The following PLGRKT variants were observed in gnomAD, a reference collection of about 807,000 sequenced individuals.
PLGRKT encodes the protein plasminogen receptor (KT).
Under a neutral mutation model 18.5 loss-of-function variants are expected in PLGRKT, and 22 were observed. The ratio of observed to expected loss-of-function variants is 1.19; its 90% CI spans 0.85 to 1.70. The LOEUF (loss-of-function observed/expected upper bound fraction) is 1.70. Ranked by LOEUF, PLGRKT falls within the 40% of genes most tolerant of loss-of-function variation. PLGRKT has a pLI of 0.00. For missense variants in PLGRKT, 235 were observed against 174.4 expected, an observed-to-expected ratio of 1.35 and a Z score of -1.96; for synonymous variants, 72 against 52.8, an observed-to-expected ratio of 1.36 and a Z score of -1.58.
intron 3 of PLGRKT, among the ~76,000 whole-genome samples, chr9:5,377,154 G>A (rs1767603803): frequency 3.3e-5 from 5 of 151,922 alleles, no homozygotes; most frequent in Admixed American, 2.6e-4. Context: ...TTCCTACATT[G>A]TGAAGGCTAG....
intron 3 of PLGRKT, among the ~76,000 whole-genome samples, chr9:5,387,668 GC>G (rs66866427): frequency 0.36 from 53,979 of 151,124 alleles, 9,938 homozygotes; most frequent in Middle Eastern, 0.46. Context: ...GAAGCCTCCT[GC>G]GGGGGGGCTG....
intron 3 of PLGRKT, among the ~76,000 whole-genome samples, chr9:5,390,426 G>A (rs898249279): frequency 1.3e-5 from 2 of 151,742 alleles, no homozygotes; most frequent in Non-Finnish European, 2.9e-5. Context: ...CAGGCAGAGA[G>A]AGTCAAAGAG....
intron 3 of PLGRKT, among the ~76,000 whole-genome samples, chr9:5,366,632 CTA>C (rs1263918148): frequency 6.6e-6 from 1 of 152,122 alleles, no homozygotes; most frequent in East Asian, 1.9e-4. Flanking sequence ...AACTCACAGC[CTA>C]TGACAACATC....
At chr9:5,382,134 T>TCATG in intron 3 of PLGRKT, 2 of 441,684 alleles carry the variant, frequency 4.5e-6, no homozygotes, top group Non-Finnish European at 6.0e-6. Context: ...CTATTCATGA[T>TCATG]GACTCTCTAT....
intron 2 of PLGRKT, among the ~76,000 whole-genome samples, chr9:5,434,470 G>T (rs1305395708): frequency 6.9e-6 from 1 of 144,370 alleles, no homozygotes; most frequent in East Asian, 2.1e-4. Context: ...GAGGTGAGGG[G>T]TGTCTCTGCC....
chr9:5,390,517 C>T lies in PLGRKT; in HGVS notation c.82-28629G>A, dbSNP rs534756182. Among the ~76,000 whole-genome samples, 7 of 151,984 alleles carry T rather than the reference C, an allele frequency of 4.6e-5. No individual in the cohort carries two copies. The South Asian group carries it at 1.5e-3, about 31-fold the overall frequency. ...GGGCAGAATGCAAACACTATCACATCATTCTCACCTTTCCTCTACAAATGA... is the reference window on the plus strand; with the variant it reads ...GGGCAGAATGCAAACACTATCACATTATTCTCACCTTTCCTCTACAAATGA... On this transcript the variant is annotated intron_variant, in intron 3 of 5. Transcript: ENST00000223864.
At chr9:5,428,780 C>T (rs1305598818) in intron 3 of PLGRKT, among the ~76,000 whole-genome samples, 1 of 152,198 alleles carries the variant, frequency 6.6e-6, no homozygotes, top group Non-Finnish European at 1.5e-5. Context: ...TCACTGCAGC[C>T]TTGACCTTCC....
intron 3 of PLGRKT, among the ~76,000 whole-genome samples, chr9:5,404,017 A>G (rs1046934468): frequency 1.3e-5 from 2 of 152,222 alleles, no homozygotes; most frequent in Non-Finnish European, 2.9e-5. Context: ...CAAATAAACT[A>G]GAAAATCTAG....
rs1422093469 is a variant in PLGRKT, at chr9:5,358,057, C to T, written c.*182G>A. On this transcript the variant is annotated 3_prime_UTR_variant, in exon 6 of 6. Transcript: ENST00000223864. ...GAGGAAATCTAAAAGTTATTTAGAG[C>T]ACCTCCATGATTTTGTGTTGAATGT... 1 of 458,088 alleles carries T rather than the reference C, an allele frequency of 2.2e-6. No individual in the cohort carries two copies. The highest frequency in any genetic ancestry group is 4.3e-5 in the South Asian group (1 of 23,276). 28.4% of individuals were successfully genotyped at this position (458,088 alleles called of 1,614,324 possible).
chr9:5,379,481 C>A (rs998382828), intron 3 of PLGRKT, among the ~76,000 whole-genome samples: 1 of 152,040 alleles, frequency 6.6e-6, no homozygotes, highest in African/African-American at 2.4e-5. Context: ...CAGTGTTCAA[C>A]AGCCACATGT....
intron 3 of PLGRKT, among the ~76,000 whole-genome samples, chr9:5,424,607 ATTAT>A (rs1157337906): frequency 2.3e-5 from 3 of 131,472 alleles, no homozygotes; most frequent in East Asian, 2.0e-4. Context: ...AATATAATAT[ATTAT>A]TTATTATATT....
rs948285463 is a variant in PLGRKT, at chr9:5,411,216, T to C, written c.81+20681A>G. On this transcript the variant is annotated intron_variant, in intron 3 of 5. Transcript: ENST00000223864. ...CTGGCCAATATGGTGAAACCCCGTC[T>C]CTACTAAAAATACAAAAATTAGCCG... 2.0e-5 allele frequency among the ~76,000 whole-genome samples: 3 copies of C among 151,630 alleles called. No individual in the cohort carries two copies. The South Asian group carries it at 6.2e-4, about 32-fold the overall frequency.
At chr9:5,410,161 G>C (rs576901448) in intron 3 of PLGRKT, among the ~76,000 whole-genome samples, 1 of 152,182 alleles carries the variant, frequency 6.6e-6, no homozygotes, top group East Asian at 1.9e-4. Context: ...AGCATTTAAG[G>C]TGATCATTTT....
rs1818966458 is a variant in PLGRKT, at chr9:5,436,696, T to C, written c.-132-2A>G. On this transcript the variant is annotated splice_acceptor_variant, in intron 1 of 5. Transcript: ENST00000223864. LOFTEE classifies it low-confidence loss of function (5UTR_SPLICE). ...GAGCTTCCTTATGGGAAACCACACCTGAGAATAAATAAATGCATCACACCT... is the reference window on the plus strand; with the variant it reads ...GAGCTTCCTTATGGGAAACCACACCCGAGAATAAATAAATGCATCACACCT... 6.6e-6 allele frequency: 1 copy of C among 152,332 alleles called. No homozygotes were observed. Among genetic ancestry groups the C allele is most frequent in the East Asian group, 1.9e-4 (1 of 5,178 alleles). 9.4% of individuals were successfully genotyped at this position (152,332 alleles called of 1,614,324 possible). A position where few individuals can be genotyped will look rare whatever the true frequency, so the allele number is the denominator to read the frequency against.
chr9:5,412,009 A>C (rs1818375392), intron 3 of PLGRKT, among the ~76,000 whole-genome samples: 1 of 152,234 alleles, frequency 6.6e-6, no homozygotes, highest in Admixed American at 6.5e-5. Context: ...AAAACATTGA[A>C]AAAGAAAAAC....
At chr9:5,411,495 G>A (rs1818365849) in intron 3 of PLGRKT, among the ~76,000 whole-genome samples, 1 of 152,008 alleles carries the variant, frequency 6.6e-6, no homozygotes, top group South Asian at 2.1e-4. Context: ...AGATGAAGAA[G>A]CCAGACTCAG....
chr9:5,373,485 C>A (rs968229375), intron 3 of PLGRKT, among the ~76,000 whole-genome samples: 6 of 152,158 alleles, frequency 3.9e-5, no homozygotes, highest in African/African-American at 9.7e-5. Flanking sequence ...CTGGGAAAGA[C>A]CAGGTCAAGC....
intron 3 of PLGRKT, among the ~76,000 whole-genome samples, chr9:5,382,885 GT>G (rs1586714378): frequency 1.3e-5 from 2 of 152,316 alleles, no homozygotes; most frequent in East Asian, 3.9e-4. Flanking sequence ...CTGAATGTGG[GT>G]GGAGAAGGAA....
chr9:5,424,841 GTGT>G (rs1563790203), intron 3 of PLGRKT, among the ~76,000 whole-genome samples: 1 of 150,554 alleles, frequency 6.6e-6, no homozygotes, highest in African/African-American at 2.5e-5. Context: ...CTCATCTTTC[GTGT>G]TGTTTTGTAG....
Sources: allele counts gnomAD v4.1 joint callset (sites outside exome capture counted in the v4.1 genomes callset), GRCh38; gene constraint gnomAD v4.1.1; transcripts MANE v1.5; gene names NCBI Gene and HGNC (gene_info 2026-07-23, HGNC 2026-07-21).